PLOD3: variants seen among roughly 807,000 people sequenced by gnomAD.
PLOD3 encodes multifunctional procollagen lysine hydroxylase and glycosyltransferase LH3.
In PLOD3, 73 loss-of-function variants were observed where a neutral mutation model predicts 96.9. That is an observed-to-expected ratio of 0.75 (90% CI 0.62 to 0.92). The LOEUF is 0.92. Ranked by LOEUF, PLOD3 falls within the 40% of genes least tolerant of loss-of-function variation. The pLI is 0.00. For synonymous variants in PLOD3, 454 were observed against 413.7 expected, an observed-to-expected ratio of 1.10 and a Z score of -1.18; for missense variants, 1,004 against 1,004.3, an observed-to-expected ratio of 1.00 and a Z score of 0.00.
chr7:101,215,760 C>T, intron 5 of PLOD3, 148 bp downstream of exon 5: 1 of 691,920 alleles, frequency 1.4e-6, no homozygotes, highest in South Asian at 1.6e-5. Context: ...CCTAAGCCTC[C>T]CAAAAGTCTT....
In PLOD3 at chr7:101,210,666, A is replaced by G. The variant is rs1798167595; in HGVS notation, c.1366T>C (p.Trp456Arg). 6.2e-7 allele frequency: 1 copy of G among 1,613,816 alleles called. No homozygotes were observed. Among genetic ancestry groups the G allele is most frequent in the African/African-American group, 1.3e-5 (1 of 74,878 alleles). Residue 456 changes from tryptophan to arginine, a missense_variant, in exon 13 of 19, where the codon TGG becomes CGG. Transcript: ENST00000223127. The part of the protein sequence containing the change: ...ELVQRKRVGV[W>R]NVPYISQAYV... ...GCCTGGGAGATGTATGGTACATTCC[A>G]CACACCCCTGGAGGCACCGACACCG... is the stretch of plus-strand genomic sequence containing the variant.
At chr7:101,212,193 G>A in intron 10 of PLOD3, 60 bp downstream of exon 10, 1 of 1,596,328 alleles carries the variant, frequency 6.3e-7, no homozygotes, top group Non-Finnish European at 8.5e-7. Flanking sequence ...GCAGCAGGTG[G>A]CAGCACCCCT....
intron 16 of PLOD3, 108 bp downstream of exon 16, chr7:101,208,745 C>G (rs375968168): frequency 2.5e-5 from 19 of 759,226 alleles, no homozygotes; most frequent in South Asian, 1.4e-4. Flanking sequence ...TCTGCCTCCC[C>G]CCTGGGAACC....
In PLOD3 at chr7:101,210,160, T is replaced by A; in HGVS notation, c.1616A>T (p.Asp539Val). The change falls in exon 15 of 19, where the codon GAC (aspartate) becomes GTC (valine). Residue 539 changes from aspartate (D) to valine (V), a missense_variant and splice_region_variant. Asp to Val is a radical substitution (Grantham distance 152). Around this residue, in one of 5 missense-constraint regions of PLOD3, gnomAD observed 65 missense variants for 68.8 expected, o/e 0.94. Transcript: ENST00000223127. ...DLWQIFDNPV[D>V]WKEQYIHENY... The stretch of plus-strand genomic sequence containing the variant: ...CTCGTGGATGTACTGCTCCTTCCAG[T>A]CCTGTGAGAGGGTGGGGGGCACATC... The A allele has an allele frequency of 6.2e-7, 1 of 1,606,008 alleles. No individual in the cohort carries two copies.
intron 6 of PLOD3, chr7:101,213,477 C>T (rs1798220270): frequency 1.9e-6 from 1 of 515,994 alleles, no homozygotes; most frequent in African/African-American, 1.9e-5. Context: ...CTCAGCATCC[C>T]TACCCCTCCT....
chr7:101,216,977 C>A, intron 1 of PLOD3, 189 bp downstream of exon 1: 1 of 770,578 alleles, frequency 1.3e-6, no homozygotes, highest in South Asian at 1.7e-5. Flanking sequence ...AGTCCCTTTG[C>A]ATAGGGAGGC....
In PLOD3 at chr7:101,217,270, G is replaced by C; in HGVS notation, c.5C>G (p.Thr2Ser). M[T>S]SSGPGPRFLL... is the part of the protein sequence containing the mutation. ...GAACCGGGGTCCAGGCCCCGAGGAG[G>C]TCATGGTGGGGAGCGGGCCCAGACA... The change falls in exon 1 of 19, where the codon ACC (threonine) becomes AGC (serine). Residue 2 changes from threonine to serine, a missense_variant. This residue lies in a region of PLOD3 where 690 missense variants were observed against 650.2 expected (regional missense o/e 1.06). Coordinates refer to ENST00000223127, the MANE Select transcript of PLOD3 (RefSeq NM_001084.5). 1 of 1,482,638 alleles carries C rather than the reference G, an allele frequency of 6.7e-7. No individual in the cohort carries two copies. Among genetic ancestry groups the C allele is most frequent in the Non-Finnish European group, 9.0e-7 (1 of 1,117,182 alleles). 91.8% of individuals were successfully genotyped at this position (1,482,638 alleles called of 1,614,324 possible). A position where few individuals can be genotyped will look rare whatever the true frequency, so the allele number is the denominator to read the frequency against.
Position 101,210,106 on chromosome 7 carries a change from C to A in PLOD3, c.1670G>T (p.Gly557Val). The A allele has an allele frequency of 6.3e-7, 1 of 1,599,932 alleles. No individual in the cohort carries two copies. The highest frequency in any genetic ancestry group is 1.1e-5 in the South Asian group (1 of 88,528). Reference protein sequence around the residue: ...ENYSRALEGEGIVEQPCPDVY... With the variant: ...ENYSRALEGEVIVEQPCPDVY... The stretch of plus-strand genomic sequence containing the variant: ...GCGTGGGCTCACCTGCTCCACGATT[C>A]CTTCCCCTTCCAGGGCCCGGCTGTA... Residue 557 changes from glycine to valine, a missense_variant, in exon 15 of 19, where the codon GGA becomes GTA. Around this residue, in one of 5 missense-constraint regions of PLOD3, gnomAD observed 65 missense variants for 68.8 expected, o/e 0.94. Coordinates refer to ENST00000223127, the MANE Select transcript of PLOD3 (RefSeq NM_001084.5).
chr7:101,208,698 C>T, intron 16 of PLOD3, 155 bp downstream of exon 16: 2 of 664,280 alleles, frequency 3.0e-6, no homozygotes, highest in South Asian at 3.0e-5. Flanking sequence ...GTAAATATTT[C>T]TTGAATACAT....
chr7:101,208,144 C>T (rs896551187), intron 16 of PLOD3, among the ~76,000 whole-genome samples: 1 of 152,194 alleles, frequency 6.6e-6, no homozygotes, highest in Admixed American at 6.5e-5. Context: ...GTCACCCAGG[C>T]TGGAGTACTG....
rs376945666 is a variant in PLOD3, at chr7:101,206,381, C to A, written c.2117G>T (p.Gly706Val). 6.2e-6 allele frequency: 10 copies of A among 1,613,650 alleles called. No homozygotes were observed. The highest frequency in any genetic ancestry group is 5.9e-6 in the Non-Finnish European group (7 of 1,179,728). ...GCGGCCGGGGTGCAGGAGTGCCCAG[C>A]CCTTCCTCGGGGAGGAGATCACACA... The part of the protein sequence containing the change: ...YDCVISSPRK[G>V]WALLHPGRLT... The change falls in exon 19 of 19, where the codon GGC becomes GTC. Residue 706 changes from glycine (G) to valine (V), a missense_variant. Physicochemically the swap from Gly to Val is moderately radical, Grantham distance 109. Around this residue, in one of 5 missense-constraint regions of PLOD3, gnomAD observed 222 missense variants for 220.4 expected, o/e 1.01. Transcript: ENST00000223127.
chr7:101,211,633 G>A lies in PLOD3; in HGVS notation c.1316C>T (p.Ala439Val), dbSNP rs1312397134. 1.9e-6 allele frequency: 3 copies of A among 1,606,774 alleles called. No homozygotes were observed. The part of the protein sequence containing the change: ...WGALSPDEYY[A>V]RSEDYVELVQ... ...CAGCTCCACGTAGTCCTCGGAGCGG[G>A]CGTAGTACTCATCGGGGCTCAGGGC... The change falls in exon 12 of 19, where the codon GCC (alanine) becomes GTC (valine). Residue 439 changes from alanine (A) to valine (V), a missense_variant. By Grantham distance (64) the Ala-to-Val change is moderately conservative (BLOSUM62 0). Around this residue, in one of 5 missense-constraint regions of PLOD3, gnomAD observed 690 missense variants for 650.2 expected, o/e 1.06. Coordinates refer to ENST00000223127, the MANE Select transcript of PLOD3 (RefSeq NM_001084.5).
intron 8 of PLOD3, 72 bp downstream of exon 8, chr7:101,212,770 C>CA (rs1798206844): frequency 6.4e-7 from 1 of 1,569,926 alleles, no homozygotes; most frequent in Non-Finnish European, 8.7e-7. Context: ...CACCGCCCCC[C>CA]AGTCCGCTGT....
chr7:101,207,272 G>A (rs900378180), intron 17 of PLOD3, among the ~76,000 whole-genome samples: 3 of 152,020 alleles, frequency 2.0e-5, no homozygotes, highest in Admixed American at 6.6e-5. Context: ...CACCACGCCC[G>A]GCCATCGCAG....
At chr7:101,212,115 G>T in intron 10 of PLOD3, 138 bp downstream of exon 10, 1 of 1,210,716 alleles carries the variant, frequency 8.3e-7, no homozygotes, top group Non-Finnish European at 1.2e-6. Flanking sequence ...GACAGCATGG[G>T]GGCTGCAAGG....
Position 101,206,097 on chromosome 7 carries a change from G to A in PLOD3, c.*184C>T, listed in dbSNP as rs1798076744. The A allele has an allele frequency of 2.9e-6, 2 of 697,300 alleles. No individual in the cohort carries two copies. Among genetic ancestry groups the A allele is most frequent in the East Asian group, 5.3e-5 (2 of 37,982 alleles). The allele number at this position is 697,300 out of a possible 1,614,324, so 43.2% of individuals were successfully genotyped here. On this transcript the variant is annotated 3_prime_UTR_variant, in exon 19 of 19. Transcript: ENST00000223127. ...CCCTGTGGGCGGAGGAGAGAGGCGG[G>A]GACTCCGGGAGCTTCCTGAGAGGGC...
Position 101,217,460 on chromosome 7 carries a change from T to C in PLOD3, c.-186A>G, listed in dbSNP as rs1798298027. On this transcript the variant is annotated 5_prime_UTR_variant, in exon 1 of 19. Coordinates refer to ENST00000223127, the MANE Select transcript of PLOD3 (RefSeq NM_001084.5). ...TCCGGAGGCTACAGAAAGCTCCAGA[T>C]GCCGGCGCCACAGACAAGGCGAGGA... 2 of 518,412 alleles carry C rather than the reference T, an allele frequency of 3.9e-6. No homozygotes were observed. Among genetic ancestry groups the C allele is most frequent in the Non-Finnish European group, 6.3e-6 (2 of 316,286 alleles). 32.1% of individuals were successfully genotyped at this position (518,412 alleles called of 1,614,324 possible).
At position 101,217,231 on chromosome 7, in the gene PLOD3, G is replaced by GGCA. The variant is rs760647164; in HGVS notation, c.41_43dup (p.Leu14dup). 18 of 1,498,858 alleles carry GGCA rather than the reference G, an allele frequency of 1.2e-5. No homozygotes were observed. The highest frequency in any genetic ancestry group is 6.4e-5 in the South Asian group (5 of 77,974). The allele number at this position is 1,498,858 out of a possible 1,614,324, so 92.8% of individuals were successfully genotyped here. On this transcript the variant is annotated inframe_insertion, in exon 1 of 19. Coordinates refer to ENST00000223127, the MANE Select transcript of PLOD3 (RefSeq NM_001084.5). ...TGAGGCCGCAGGGGGCAGCAGCAGC[G>GGCA]GCAGCAGCAGCAGGAACCGGGGTCC...
chr7:101,206,237 A>C lies in PLOD3; in HGVS notation c.*44T>G. 1 of 1,606,194 alleles carries C rather than the reference A, an allele frequency of 6.2e-7. No homozygotes were observed. Among genetic ancestry groups the C allele is most frequent in the East Asian group, 2.2e-5 (1 of 44,818 alleles). Reference sequence around the variant, plus strand: ...TCCCAGGACGGGGGCCAGGCCCCCTAAAAAGGCACAATGGCAGGGCAGGTT... The same window carrying C: ...TCCCAGGACGGGGGCCAGGCCCCCTCAAAAGGCACAATGGCAGGGCAGGTT... On this transcript the variant is annotated 3_prime_UTR_variant, in exon 19 of 19. Transcript: ENST00000223127.
Sources: allele counts gnomAD v4.1 joint callset (sites outside exome capture counted in the v4.1 genomes callset), GRCh38; gene constraint gnomAD v4.1.1; regional missense constraint gnomAD v4.1.1; transcripts MANE v1.5; gene names NCBI Gene and HGNC (gene_info 2026-07-23, HGNC 2026-07-21).